STAP2: variants seen among roughly 807,000 people sequenced by gnomAD.
STAP2 encodes signal-transducing adaptor protein 2.
In STAP2, 58 loss-of-function variants were observed where a neutral mutation model predicts 52.7. The ratio of observed to expected loss-of-function variants is 1.10; its 90% confidence interval spans 0.89 to 1.37. STAP2 has a LOEUF of 1.37. Among genes scored for constraint, STAP2 ranks in the 40% most tolerant of loss-of-function variants. STAP2 has a pLI of 0.00. For missense variants in STAP2, 522 were observed against 519.4 expected (o/e 1.00, Z -0.05); for synonymous variants, 231 against 210.5 (o/e 1.10, Z -0.84).
intron 11 of STAP2, 91 bp downstream of exon 11, chr19:4,325,121 AGAGT>A: frequency 9.0e-7 from 1 of 1,109,942 alleles, no homozygotes; most frequent in Non-Finnish European, 1.3e-6. Context: ...CCTGGGCGAC[AGAGT>A]GAGACTGTCT....
At chr19:4,338,027 G>T (rs1301088024) in intron 1 of STAP2, among the ~76,000 whole-genome samples, 2 of 152,102 alleles carry the variant, frequency 1.3e-5, no homozygotes, top group African/African-American at 4.8e-5. Flanking sequence ...CTAACAAAAA[G>T]AAAGAAAGAA....
chr19:4,334,094 C>A (rs1233999008), intron 1 of STAP2, 50 bp from the exon 2 acceptor site: 2 of 1,520,582 alleles, frequency 1.3e-6, no homozygotes, highest in East Asian at 2.3e-5. Context: ...AAGCTGAGTG[C>A]CTTTCATGTA....
chr19:4,328,681 T>C lies in STAP2; in HGVS notation c.584A>G (p.His195Arg). 1 of 1,599,626 alleles carries C rather than the reference T, an allele frequency of 6.3e-7. No homozygotes were observed. ...DGVSVTTRQM[H>R]NGTHVVRHYK... ...TCCAGACGCGCATGCGCACCCGTTG[T>C]GCATCTGCCGCGTGGTGACCGACAC... Residue 195 changes from histidine to arginine, a missense_variant, in exon 6 of 13, where the codon CAC (histidine) becomes CGC (arginine). Physicochemically the swap from His to Arg is conservative, Grantham distance 29. Coordinates refer to ENST00000594605, the MANE Select transcript of STAP2 (RefSeq NM_001013841.2).
intron 4 of STAP2, among the ~76,000 whole-genome samples, chr19:4,330,688 C>T (rs1316095364): frequency 3.3e-5 from 5 of 150,384 alleles, no homozygotes; most frequent in Admixed American, 6.7e-5. Flanking sequence ...CTAAAATTCC[C>T]GGTTGATAAA....
At chr19:4,337,397 A>G (rs1971996883) in intron 1 of STAP2, among the ~76,000 whole-genome samples, 1 of 149,910 alleles carries the variant, frequency 6.7e-6, no homozygotes. Flanking sequence ...ACGCCCGGCT[A>G]ATCTTTGTAT....
chr19:4,325,419 G>T lies in STAP2; in HGVS notation c.956C>A (p.Ala319Asp). ...NYVTPIGDGP[A>D]VDYENQDVAS... is the part of the protein sequence containing the mutation. ...ACCATCTTGGTTCTCATAGTCAACA[G>T]CTGGGCCATCTCCAATGGGGGTCAC... Residue 319 changes from alanine to aspartate, a missense_variant, in exon 10 of 13, where the codon GCT becomes GAT. Transcript: ENST00000594605. 6.2e-7 allele frequency: 1 copy of T among 1,614,228 alleles called. No homozygotes were observed. The highest frequency in any genetic ancestry group is 2.2e-5 in the East Asian group (1 of 44,886).
intron 1 of STAP2, among the ~76,000 whole-genome samples, chr19:4,334,873 C>CCACCCACT (rs1971954176): frequency 1.7e-5 from 1 of 58,450 alleles, no homozygotes; most frequent in African/African-American, 6.6e-5. Flanking sequence ...ATGCATCCCT[C>CCACCCACT]CATCCATCCA....
chr19:4,336,051 C>T (rs915653396), intron 1 of STAP2, among the ~76,000 whole-genome samples: 7 of 152,034 alleles, frequency 4.6e-5, no homozygotes, highest in East Asian at 3.9e-4. Flanking sequence ...CTTGCTCTGT[C>T]GCCCAGGCTG....
intron 6 of STAP2, 25 bp downstream of exon 6, chr19:4,328,650 G>A (rs775928076): frequency 8.8e-7 from 1 of 1,134,124 alleles, no homozygotes; most frequent in Non-Finnish European, 1.2e-6. Flanking sequence ...CTCCCACCCA[G>A]GGCTCTCCAG....
chr19:4,331,874 G>C, intron 4 of STAP2, 148 bp downstream of exon 4: 1 of 684,936 alleles, frequency 1.5e-6, no homozygotes, highest in Non-Finnish European at 2.3e-6. Context: ...GGAGCTTGCA[G>C]TGAGCCGAGA....
intron 6 of STAP2, chr19:4,328,195 C>T: frequency 4.5e-6 from 1 of 223,720 alleles, no homozygotes; most frequent in Non-Finnish European, 9.0e-6. Flanking sequence ...TGGGGCAAGG[C>T]CAGCCTCAGG....
rs145893074 is a variant in STAP2 at position 4,329,985 on chromosome 19, G to A, written c.431C>T (p.Ala144Val). ...MMSEVLAKEE[A>V]RRALETPSCF... ...CGAGGGTGTCTCCAGTGCACGGCGC[G>A]CCTCCTCTTTGGCCAAGACTTCAGA... is the stretch of plus-strand genomic sequence containing the variant. The change falls in exon 5 of 13, where the codon GCG becomes GTG. Residue 144 changes from alanine to valine, a missense_variant. Physicochemically the swap from Ala to Val is moderately conservative, Grantham distance 64 (BLOSUM62 0). Coordinates refer to ENST00000594605, the MANE Select transcript of STAP2 (RefSeq NM_001013841.2). The A allele has an allele frequency of 5.1e-5, 83 of 1,613,400 alleles. No homozygotes were observed. The highest frequency in any genetic ancestry group is 4.2e-4 in the Admixed American group (25 of 59,974).
rs1971905770 is a variant in STAP2, at chr19:4,332,246, C to T, written c.298-168G>A. Among the ~76,000 whole-genome samples, 3 of 117,882 alleles carry T rather than the reference C, an allele frequency of 2.5e-5. No individual in the cohort carries two copies. In the South Asian group the frequency reaches 9.2e-4, roughly 36 times the overall value. 77.3% of individuals were successfully genotyped at this position (117,882 alleles called of 152,430 possible). On this transcript the variant is annotated intron_variant, in intron 3 of 12. Transcript: ENST00000594605. Reference sequence around the variant, plus strand: ...TTGAGATGGAGTCTCATTCTTCTGTCGCCCAGGCTAGAGTACAGTGGCGCG... The same window carrying T: ...TTGAGATGGAGTCTCATTCTTCTGTTGCCCAGGCTAGAGTACAGTGGCGCG...
At chr19:4,337,341 C>T (rs951697163) in intron 1 of STAP2, among the ~76,000 whole-genome samples, 2 of 151,086 alleles carry the variant, frequency 1.3e-5, no homozygotes, top group African/African-American at 2.4e-5. Context: ...AAGTGATTCT[C>T]CTGCCTCAGC....
At chr19:4,331,887 G>A (rs1971896756) in intron 4 of STAP2, 135 bp downstream of exon 4, 5 of 787,072 alleles carry the variant, frequency 6.4e-6, no homozygotes, top group South Asian at 5.1e-5. Context: ...AGCCGAGATC[G>A]CACCACTGCA....
intron 1 of STAP2, among the ~76,000 whole-genome samples, chr19:4,336,720 C>T (rs895842691): frequency 2.0e-5 from 3 of 151,930 alleles, no homozygotes; most frequent in Admixed American, 6.6e-5. Flanking sequence ...CTGCAAACTT[C>T]GCCTCTCAGG....
At position 4,327,004 on chromosome 19, in the gene STAP2, T is replaced by A. The variant is rs2144780783; in HGVS notation, c.767A>T (p.Tyr256Phe). Residue 256 changes from tyrosine to phenylalanine, a missense_variant, in exon 9 of 13, where the codon TAC becomes TTC. Transcript: ENST00000594605. Reference protein sequence around the residue: ...LDEDYEKVLGYVEADKENGEN... With the variant: ...LDEDYEKVLGFVEADKENGEN... ...GCCATTCTCCTTATCGGCTTCCACG[T>A]AGCCTGGAACAGAGAGGGCGGCCTG... is the stretch of plus-strand genomic sequence containing the variant. 1.9e-6 allele frequency: 3 copies of A among 1,562,654 alleles called. No homozygotes were observed. In the African/African-American group the frequency reaches 4.1e-5, roughly 21 times the overall value.
chr19:4,338,577 G>T, intron 1 of STAP2, 75 bp downstream of exon 1: 1 of 1,167,024 alleles, frequency 8.6e-7, no homozygotes, highest in Non-Finnish European at 1.2e-6. Context: ...GGCGAGTGGG[G>T]AGACAGGGAC....
intron 5 of STAP2, among the ~76,000 whole-genome samples, chr19:4,329,291 G>C (rs1233387766): frequency 6.6e-6 from 1 of 151,302 alleles, no homozygotes; most frequent in Non-Finnish European, 1.5e-5. Flanking sequence ...TTTTTCTTTA[G>C]AGATGGGGTC....
Sources: gnomAD v4.1 joint callset for allele counts (sites outside exome capture counted in the v4.1 genomes callset) on GRCh38, gnomAD v4.1.1 for gene constraint, MANE v1.5 for transcripts, NCBI Gene and HGNC (gene_info 2026-07-23, HGNC 2026-07-21) for gene names.